NUDT3: variants seen among roughly 807,000 people sequenced by gnomAD.
NUDT3 encodes the protein diphosphoinositol polyphosphate phosphohydrolase 1.
In NUDT3, 9 loss-of-function variants were observed where a neutral mutation model predicts 23.6. That is an observed-to-expected ratio of 0.38 (90% CI 0.23 to 0.66). NUDT3 has a LOEUF of 0.66. NUDT3 is among the 30% of genes least tolerant of loss of function. The pLI is 0.52. For missense variants in NUDT3, 172 were observed against 218.5 expected (o/e 0.79, Z 1.34); for synonymous variants, 86 against 82.6 (o/e 1.04, Z -0.22).
rs1763328562 is a variant in NUDT3, at chr6:34,285,895, A to AT, written c.*2857dup. On this transcript the variant is annotated 3_prime_UTR_variant, in exon 5 of 5. Coordinates refer to ENST00000607016, the MANE Select transcript of NUDT3 (RefSeq NM_006703.4). The stretch of plus-strand genomic sequence containing the variant: ...TAAGCACAATCTCTCAGTCAATTGC[A>AT]TTAACAGGAATCCATTCATGTCACT... The AT allele has an allele frequency of 6.6e-6, 1 of 152,190 alleles. No individual in the cohort carries two copies. The highest frequency in any genetic ancestry group is 2.4e-5 in the African/African-American group (1 of 41,444). The allele number at this position is 152,190 out of a possible 1,614,324, so 9.4% of individuals were successfully genotyped here. A position where few individuals can be genotyped will look rare whatever the true frequency, so the allele number is the denominator to read the frequency against.
At chr6:34,364,953 G>A (rs1366951636) in intron 1 of NUDT3, among the ~76,000 whole-genome samples, 2 of 152,084 alleles carry the variant, frequency 1.3e-5, no homozygotes, top group Non-Finnish European at 2.9e-5. Context: ...CCCAGGAGGT[G>A]GAGCTTGCAG....
chr6:34,382,926 G>A (rs914588952), intron 1 of NUDT3, among the ~76,000 whole-genome samples: 1 of 151,898 alleles, frequency 6.6e-6, no homozygotes, highest in Non-Finnish European at 1.5e-5. Context: ...AGGAGTTCGA[G>A]ACCAGCCTGG....
intron 2 of NUDT3, among the ~76,000 whole-genome samples, chr6:34,308,304 A>G (rs1180451338): frequency 1.3e-5 from 2 of 151,986 alleles, no homozygotes; most frequent in Middle Eastern, 3.4e-3. Context: ...CAAGAAATAA[A>G]TAATTAGCTA....
intron 4 of NUDT3, 69 bp downstream of exon 4, chr6:34,293,382 G>A (rs1339727655): frequency 4.5e-5 from 72 of 1,586,310 alleles, no homozygotes; most frequent in Non-Finnish European, 6.0e-5. Flanking sequence ...TCTGGTTCTG[G>A]TCATGACCTG....
chr6:34,354,622 T>C (rs1446778693), intron 1 of NUDT3, among the ~76,000 whole-genome samples: 4 of 150,776 alleles, frequency 2.7e-5, no homozygotes, highest in African/African-American at 7.3e-5. Context: ...ACTTGGGAGG[T>C]TGAGGCAGGA....
At position 34,348,105 on chromosome 6, in the gene NUDT3, G is replaced by A. The variant is rs189672239; in HGVS notation, c.100-6133C>T. ...CTTGAGCTCAGGAGTTCAAGACCCCGTCTCTACAAAACAAAAACAAAAACA... is the reference window on the plus strand; with the variant it reads ...CTTGAGCTCAGGAGTTCAAGACCCCATCTCTACAAAACAAAAACAAAAACA... On this transcript the variant is annotated intron_variant, in intron 1 of 4. Coordinates refer to ENST00000607016, the MANE Select transcript of NUDT3 (RefSeq NM_006703.4). Among the ~76,000 whole-genome samples, 28 of 151,702 alleles carry A rather than the reference G, an allele frequency of 1.8e-4. No homozygotes were observed. In the East Asian group the frequency reaches 4.1e-3, roughly 22 times the overall value.
chr6:34,329,521 T>C (rs1042638175), intron 2 of NUDT3, among the ~76,000 whole-genome samples: 1 of 152,158 alleles, frequency 6.6e-6, no homozygotes, highest in Admixed American at 6.6e-5. Flanking sequence ...CCTCAGGTGA[T>C]CCGCCTGCCT....
intron 2 of NUDT3, among the ~76,000 whole-genome samples, chr6:34,323,652 T>C (rs902746785): frequency 5.3e-5 from 8 of 151,994 alleles, no homozygotes; most frequent in Admixed American, 4.6e-4. Flanking sequence ...GGAAAAGAAA[T>C]ACATGCTAAA....
At chr6:34,288,968 T>G in intron 4 of NUDT3, 37 bp from the exon 5 acceptor site, 1 of 1,544,300 alleles carries the variant, frequency 6.5e-7, no homozygotes, top group South Asian at 1.2e-5. Context: ...AGTACAAGAG[T>G]AATAAGGTTT....
intron 1 of NUDT3, among the ~76,000 whole-genome samples, chr6:34,360,390 A>G (rs1468745374): frequency 6.6e-6 from 1 of 152,042 alleles, no homozygotes; most frequent in Non-Finnish European, 1.5e-5. Context: ...CCTGGCCAAC[A>G]TGGTGAAACC....
intron 2 of NUDT3, among the ~76,000 whole-genome samples, chr6:34,304,566 G>A (rs1256212363): frequency 1.3e-5 from 2 of 151,914 alleles, no homozygotes; most frequent in East Asian, 3.9e-4. Context: ...AATCTAGTCT[G>A]ATCTTGGTAT....
chr6:34,282,937 C>T lies in NUDT3; in HGVS notation c.*5816G>A, dbSNP rs1337051222. The T allele has an allele frequency of 1.3e-5, 2 of 152,180 alleles. No homozygotes were observed. The highest frequency in any genetic ancestry group is 2.9e-5 in the Non-Finnish European group (2 of 68,032). The allele number at this position is 152,180 out of a possible 1,614,324, so 9.4% of individuals were successfully genotyped here. A position where few individuals can be genotyped will look rare whatever the true frequency, so the allele number is the denominator to read the frequency against. The stretch of plus-strand genomic sequence containing the variant: ...TTCCACCTTCTAGATAGTAATCTTA[C>T]TTTTGTTGGCTAAAAGCACTTTCTT... On this transcript the variant is annotated 3_prime_UTR_variant, in exon 5 of 5. Coordinates refer to ENST00000607016, the MANE Select transcript of NUDT3 (RefSeq NM_006703.4).
intron 1 of NUDT3, among the ~76,000 whole-genome samples, chr6:34,355,238 A>G (rs1174313167): frequency 2.0e-5 from 3 of 152,202 alleles, no homozygotes; most frequent in Non-Finnish European, 4.4e-5. Flanking sequence ...TTATAAATGG[A>G]CATTGGATTT....
chr6:34,293,305 T>C (rs886349855), intron 4 of NUDT3, 146 bp downstream of exon 4: 45 of 875,580 alleles, frequency 5.1e-5, no homozygotes, highest in Non-Finnish European at 8.0e-5. Flanking sequence ...CAGGTGATCC[T>C]CCTGTGTTGG....
chr6:34,329,006 T>C (rs1174251374), intron 2 of NUDT3, among the ~76,000 whole-genome samples: 2 of 152,104 alleles, frequency 1.3e-5, no homozygotes, highest in African/African-American at 4.8e-5. Context: ...TCACTTTTTT[T>C]CCCCCACTCC....
chr6:34,292,786 T>C (rs1763443527), intron 4 of NUDT3, among the ~76,000 whole-genome samples: 1 of 152,176 alleles, frequency 6.6e-6, no homozygotes, highest in Admixed American at 6.6e-5. Context: ...CTCTCACTTA[T>C]GGTCCCCATG....
At chr6:34,347,064 C>T (rs1208844891) in intron 1 of NUDT3, among the ~76,000 whole-genome samples, 1 of 152,188 alleles carries the variant, frequency 6.6e-6, no homozygotes, top group Non-Finnish European at 1.5e-5. Flanking sequence ...CCACTGTGCC[C>T]ACCCACAAAA....
intron 2 of NUDT3, among the ~76,000 whole-genome samples, chr6:34,318,731 A>AT (rs55946074): frequency 4.6e-5 from 7 of 150,698 alleles, no homozygotes; most frequent in South Asian, 2.1e-4. Flanking sequence ...TTTAAAAAAA[A>AT]TTTTTTTTTT....
chr6:34,374,731 G>A (rs887342466), intron 1 of NUDT3, among the ~76,000 whole-genome samples: 1 of 152,108 alleles, frequency 6.6e-6, no homozygotes. Context: ...TTCTTGGCTA[G>A]TGTGATTCCT....
Sources: gnomAD v4.1 joint callset for allele counts (sites outside exome capture counted in the v4.1 genomes callset) on GRCh38, gnomAD v4.1.1 for gene constraint, MANE v1.5 for transcripts, NCBI Gene and HGNC (gene_info 2026-07-23, HGNC 2026-07-21) for gene names.